The following ZMAT1 variants were observed in gnomAD, a reference collection of about 807,000 sequenced individuals.
The protein encoded by ZMAT1 is zinc finger matrin-type protein 1.
Under a neutral mutation model 18.5 loss-of-function variants are expected in ZMAT1, and 11 were observed. The observed-to-expected ratio is 0.59, with a 90% confidence interval of 0.37 to 0.98. The LOEUF (loss-of-function observed/expected upper bound fraction) is 0.98, where lower values mean the gene tolerates loss of function less well. ZMAT1 is among the 50% of genes least tolerant of loss of function. The probability of loss-of-function intolerance (pLI) is 0.01; values close to 1 mark genes in which losing one functional copy is unlikely to be tolerated. For missense variants in ZMAT1, 525 were observed against 496.2 expected (o/e 1.06, Z -0.55); for synonymous variants, 211 against 176.4 (o/e 1.20, Z -1.55).
chrX:101,892,461 A>T (rs894648888), intron 4 of ZMAT1, among the ~76,000 whole-genome samples: 6 of 111,453 alleles, frequency 5.4e-5, no homozygotes, highest in Admixed American at 9.6e-5. Context: ...TTGCTAATGG[A>T]TAGGATATAG....
chrX:101,907,379 C>A (rs1928686711), intron 1 of ZMAT1, among the ~76,000 whole-genome samples: 1 of 112,406 alleles, frequency 8.9e-6, no homozygotes, highest in African/African-American at 3.2e-5. Flanking sequence ...GGCCAGCAAG[C>A]GTATCAGGGA....
intron 4 of ZMAT1, chrX:101,892,815 T>C (rs1464721573): frequency 3.5e-6 from 2 of 578,822 alleles, no homozygotes; most frequent in African/African-American, 5.0e-5. Flanking sequence ...AGATTAGATA[T>C]GGGAGAAACA....
intron 1 of ZMAT1, among the ~76,000 whole-genome samples, chrX:101,925,602 T>G (rs193043266): frequency 1.7e-4 from 19 of 112,895 alleles, no homozygotes; most frequent in African/African-American, 6.1e-4. Flanking sequence ...AAATACAATG[T>G]GTAATTTTTA....
chrX:101,886,053 C>A (rs1470719173), intron 5 of ZMAT1, among the ~76,000 whole-genome samples: 3 of 111,831 alleles, frequency 2.7e-5, no homozygotes, highest in African/African-American at 9.7e-5. Context: ...CTCCAACTGT[C>A]CATTCAATTC....
intron 1 of ZMAT1, among the ~76,000 whole-genome samples, chrX:101,921,253 A>C (rs905668748): frequency 9.0e-6 from 1 of 111,657 alleles, no homozygotes; most frequent in African/African-American, 3.3e-5. Context: ...ACTCCAGACT[A>C]ATTAGAATCT....
At chrX:101,909,898 G>C (rs946470086) in intron 1 of ZMAT1, among the ~76,000 whole-genome samples, 2 of 112,356 alleles carry the variant, frequency 1.8e-5, no homozygotes, top group African/African-American at 6.5e-5. Context: ...GCTACTTGTG[G>C]ATTGTAGAGC....
chrX:101,913,652 A>G (rs1929108224), intron 1 of ZMAT1, among the ~76,000 whole-genome samples: 1 of 111,896 alleles, frequency 8.9e-6, no homozygotes, highest in African/African-American at 3.2e-5. Context: ...AACAATTTTA[A>G]ATAGATATGC....
chrX:101,909,027 G>A (rs1208690592), intron 1 of ZMAT1, among the ~76,000 whole-genome samples: 2 of 108,492 alleles, frequency 1.8e-5, no homozygotes, highest in East Asian at 5.9e-4. Context: ...TGCTTGAGGA[G>A]AGGAGAGGTA....
At chrX:101,905,778 G>A (rs1928572052) in intron 1 of ZMAT1, among the ~76,000 whole-genome samples, 1 of 109,544 alleles carries the variant, frequency 9.1e-6, no homozygotes, top group African/African-American at 3.3e-5. Context: ...CTATTAGGAC[G>A]GACATCATCA....
intron 4 of ZMAT1, among the ~76,000 whole-genome samples, chrX:101,896,060 G>A (rs1927779531): frequency 9.0e-6 from 1 of 111,227 alleles, no homozygotes; most frequent in Non-Finnish European, 1.9e-5. Flanking sequence ...CTGTGAGAAT[G>A]GAAGTGTGAA....
chrX:101,899,207 T>G (rs968244425), intron 2 of ZMAT1, among the ~76,000 whole-genome samples: 5 of 111,847 alleles, frequency 4.5e-5, no homozygotes, highest in Non-Finnish European at 9.4e-5. Flanking sequence ...TAAGAATAAC[T>G]AAGATGTTGG....
At chrX:101,902,649 C>T (rs186277763) in intron 2 of ZMAT1, among the ~76,000 whole-genome samples, 1 of 111,385 alleles carries the variant, frequency 9.0e-6, no homozygotes, top group African/African-American at 3.2e-5. Flanking sequence ...ACTGGCTATC[C>T]ATATGAAAAA....
chrX:101,897,544 T>TAAAA (rs776116456), intron 4 of ZMAT1, among the ~76,000 whole-genome samples: 1 of 78,912 alleles, frequency 1.3e-5, no homozygotes, highest in Non-Finnish European at 2.5e-5. Context: ...AGTGTCTATC[T>TAAAA]AAAAAAAAAA....
intron 2 of ZMAT1, 37 bp from the exon 3 acceptor site, chrX:101,898,257 AAAAG>A (rs1363453232): frequency 1.8e-6 from 2 of 1,120,718 alleles, no homozygotes; most frequent in Non-Finnish European, 2.4e-6. Flanking sequence ...TTTATTCAAT[AAAAG>A]AGTCATTCAA....
At chrX:101,921,659 T>C (rs771750727) in intron 1 of ZMAT1, among the ~76,000 whole-genome samples, 1 of 112,068 alleles carries the variant, frequency 8.9e-6, no homozygotes, top group African/African-American at 3.2e-5. Flanking sequence ...TGACTTTATA[T>C]GGGTTGATGG....
In ZMAT1 at chrX:101,921,038, G is replaced by T. The variant is rs754424268; in HGVS notation, c.292+10679C>A. ...GAAGAGATTTTTGAAAAAAAAAAAGGATATATAAATGTACATCTTTTTTGC... is the reference window on the plus strand; with the variant it reads ...GAAGAGATTTTTGAAAAAAAAAAAGTATATATAAATGTACATCTTTTTTGC... On this transcript the variant is annotated intron_variant, in intron 1 of 5. Transcript: ENST00000651725. Among the ~76,000 whole-genome samples, 215 of 110,583 alleles carry T rather than the reference G, an allele frequency of 1.9e-3. 1 individual carries two copies. Among genetic ancestry groups the T allele is most frequent in the Non-Finnish European group, 3.5e-3 (184 of 52,869 alleles).
chrX:101,903,345 T>G (rs1928384564), intron 2 of ZMAT1, among the ~76,000 whole-genome samples: 1 of 111,911 alleles, frequency 8.9e-6, no homozygotes, highest in Non-Finnish European at 1.9e-5. Context: ...ATGGTGGAAT[T>G]AAGACTTAAC....
At chrX:101,922,717 G>C (rs1929806501) in intron 1 of ZMAT1, among the ~76,000 whole-genome samples, 1 of 111,227 alleles carries the variant, frequency 9.0e-6, no homozygotes, top group Non-Finnish European at 1.9e-5. Flanking sequence ...CTTGACATAT[G>C]TAAGAAACAT....
intron 1 of ZMAT1, among the ~76,000 whole-genome samples, chrX:101,922,697 G>C (rs754324155): frequency 1.1e-4 from 12 of 111,249 alleles, no homozygotes; most frequent in Non-Finnish European, 2.3e-4. Context: ...AAAGAGACTT[G>C]ATCTCCAGGC....
Sources: gnomAD v4.1 joint callset for allele counts (sites outside exome capture counted in the v4.1 genomes callset) on GRCh38, gnomAD v4.1.1 for gene constraint, MANE v1.5 for transcripts, NCBI Gene and HGNC (gene_info 2026-07-23, HGNC 2026-07-21) for gene names.